The following CCDC88C variants were observed in gnomAD, a reference collection of about 807,000 sequenced individuals.
The protein encoded by CCDC88C is protein Daple.
A neutral mutation model predicts 198.8 loss-of-function variants in CCDC88C; 131 were observed. That is an observed-to-expected ratio of 0.66 (90% confidence interval 0.57 to 0.76). The LOEUF is 0.76. CCDC88C is among the 30% of genes least tolerant of loss of function. CCDC88C has a pLI of 0.00. For missense variants in CCDC88C, 2,553 were observed against 2,631.6 expected (o/e 0.97, Z 0.65); for synonymous variants, 1,166 against 1,114.7 (o/e 1.05, Z -0.92).
chr14:91,324,974 C>A (rs1892522997), intron 11 of CCDC88C, 51 bp from the exon 12 acceptor site: 1 of 1,608,720 alleles, frequency 6.2e-7, no homozygotes, highest in African/African-American at 1.3e-5. Context: ...CTGGAGATCC[C>A]CCTGGACAAG....
chr14:91,319,967 T>C (rs1015455788), intron 13 of CCDC88C, among the ~76,000 whole-genome samples: 2 of 130,722 alleles, frequency 1.5e-5, no homozygotes, highest in African/African-American at 3.0e-5. Context: ...GGAGTTGCAA[T>C]GAGCTGAGAT....
intron 3 of CCDC88C, among the ~76,000 whole-genome samples, chr14:91,397,374 C>T (rs1278061341): frequency 6.6e-6 from 1 of 152,132 alleles, no homozygotes; most frequent in Non-Finnish European, 1.5e-5. Flanking sequence ...GGAGAAAAGC[C>T]CCAGCAAATC....
intron 26 of CCDC88C, 132 bp downstream of exon 26, chr14:91,283,197 G>T: frequency 1.1e-6 from 1 of 919,884 alleles, no homozygotes; most frequent in Non-Finnish European, 1.6e-6. Flanking sequence ...AAGCCTGTCA[G>T]CAGCCTCACC....
chr14:91,368,851 C>T (rs1894656247), intron 3 of CCDC88C, among the ~76,000 whole-genome samples: 1 of 152,198 alleles, frequency 6.6e-6, no homozygotes, highest in African/African-American at 2.4e-5. Context: ...CTGAATGCAC[C>T]TCAACAACTT....
intron 29 of CCDC88C, among the ~76,000 whole-genome samples, chr14:91,276,891 G>C (rs1889987928): frequency 6.6e-6 from 1 of 152,238 alleles, no homozygotes; most frequent in Admixed American, 6.5e-5. Flanking sequence ...TTTAGGGTGA[G>C]GAGCTGCAGA....
chr14:91,301,900 G>A (rs929763768), intron 20 of CCDC88C, among the ~76,000 whole-genome samples: 2 of 152,152 alleles, frequency 1.3e-5, no homozygotes, highest in East Asian at 1.9e-4. Context: ...ACAGCACCAC[G>A]TACACAATAA....
At chr14:91,347,816 C>A (rs541336325) in intron 4 of CCDC88C, among the ~76,000 whole-genome samples, 4 of 152,172 alleles carry the variant, frequency 2.6e-5, no homozygotes, top group Non-Finnish European at 4.4e-5. Flanking sequence ...CCATTTGACC[C>A]AGCCATCCCA....
rs1408668483 is a variant in CCDC88C at position 91,342,457 on chromosome 14, T to G, written c.406A>C (p.Arg136=). Reference sequence around the variant, plus strand: ...ATTCTTTCAATGAACTCCTCTTTCCTCTCACACTGCGGAGGGTTACATGTG... The same window carrying G: ...ATTCTTTCAATGAACTCCTCTTTCCGCTCACACTGCGGAGGGTTACATGTG... ...LVLGCAVQCE[R]KEEFIERIKQ... is the part of the protein sequence containing the mutation. Residue 136 remains arginine (R), a synonymous_variant, in exon 6 of 30, where the codon AGG becomes CGG. Transcript: ENST00000389857. The G allele has an allele frequency of 1.3e-6, 2 of 1,586,598 alleles. No individual in the cohort carries two copies. Among genetic ancestry groups the G allele is most frequent in the Non-Finnish European group, 1.7e-6 (2 of 1,164,844 alleles).
In CCDC88C at chr14:91,305,862, T is replaced by C. The variant is rs143691366; in HGVS notation, c.3260A>G (p.Asn1087Ser). ...CAAGATCTGGCTGCTGAAGGTCACG[T>C]TCTGGGTCTCCAGGTGCTGCAGCTG... is the stretch of plus-strand genomic sequence containing the variant. ...KEQLQHLETQ[N>S]VTFSSQILTL... is the part of the protein sequence containing the mutation. The change falls in exon 19 of 30, where the codon AAC (asparagine) becomes AGC (serine). Residue 1087 changes from asparagine to serine, a missense_variant. By Grantham distance (46) the Asn-to-Ser change is conservative. Around this residue, in one of 2 missense-constraint regions of CCDC88C, gnomAD observed 1,260 missense variants for 1,412.0 expected, o/e 0.89. Coordinates refer to ENST00000389857, the MANE Select transcript of CCDC88C (RefSeq NM_001080414.4). 368 of 1,613,994 alleles carry C rather than the reference T, an allele frequency of 2.3e-4. 2 individuals carry two copies. The African/African-American group carries it at 4.3e-3, about 19-fold the overall frequency.
At chr14:91,395,991 T>C (rs1421068629) in intron 3 of CCDC88C, among the ~76,000 whole-genome samples, 1 of 152,174 alleles carries the variant, frequency 6.6e-6, no homozygotes, top group Non-Finnish European at 1.5e-5. Flanking sequence ...ACCACCAATT[T>C]AAGACCAGCA....
chr14:91,321,902 A>G (rs1325954714), intron 12 of CCDC88C, among the ~76,000 whole-genome samples: 1 of 152,206 alleles, frequency 6.6e-6, no homozygotes, highest in Non-Finnish European at 1.5e-5. Context: ...GAGATGAAAA[A>G]TAAGCTAAAA....
Position 91,272,296 on chromosome 14 carries a change from C to T in CCDC88C, c.*329G>A, listed in dbSNP as rs1485450573. ...CAACACATTGCAAATGAGTGTTCTACTGGGACATACTGGAGTAGTGTCTGC... is the reference window on the plus strand; with the variant it reads ...CAACACATTGCAAATGAGTGTTCTATTGGGACATACTGGAGTAGTGTCTGC... On this transcript the variant is annotated 3_prime_UTR_variant, in exon 30 of 30. Coordinates refer to ENST00000389857, the MANE Select transcript of CCDC88C (RefSeq NM_001080414.4). The T allele has an allele frequency of 8.8e-5, 29 of 328,058 alleles. No individual in the cohort carries two copies. In the South Asian group the frequency reaches 9.8e-4, roughly 11 times the overall value. The allele number at this position is 328,058 out of a possible 1,614,324, so 20.3% of individuals were successfully genotyped here.
At chr14:91,281,596 C>A in intron 26 of CCDC88C, 71 bp from the exon 27 acceptor site, 2 of 1,374,186 alleles carry the variant, frequency 1.5e-6, no homozygotes, top group South Asian at 1.2e-5. Context: ...CCCGCCACCT[C>A]GCCTGGCACC....
chr14:91,349,540 G>A (rs976072647), intron 4 of CCDC88C, among the ~76,000 whole-genome samples: 9 of 152,206 alleles, frequency 5.9e-5, no homozygotes, highest in African/African-American at 1.4e-4. Context: ...CACTGCGGGC[G>A]GGGATCGAGA....
At chr14:91,359,972 A>G (rs1006365977) in intron 3 of CCDC88C, among the ~76,000 whole-genome samples, 1 of 152,226 alleles carries the variant, frequency 6.6e-6, no homozygotes, top group Non-Finnish European at 1.5e-5. Context: ...AAAAAGAAAA[A>G]GCATATTTAA....
At chr14:91,393,969 C>T (rs915663566) in intron 3 of CCDC88C, among the ~76,000 whole-genome samples, 4 of 152,194 alleles carry the variant, frequency 2.6e-5, no homozygotes, top group Non-Finnish European at 4.4e-5. Context: ...CCAGCTGCTC[C>T]GGAGTTTCTG....
chr14:91,315,437 G>C (rs1019968615), intron 14 of CCDC88C, among the ~76,000 whole-genome samples: 29 of 152,098 alleles, frequency 1.9e-4, no homozygotes, highest in Non-Finnish European at 3.4e-4. Context: ...AAAATGTCTT[G>C]AGACATTGCC....
At chr14:91,293,553 C>CTCACCCGCCACAGCTCACCTTCCCAT (rs1567055867) in intron 23 of CCDC88C, among the ~76,000 whole-genome samples, 594 of 50,258 alleles carry the variant, frequency 0.012, 208 homozygotes, top group South Asian at 0.027. Context: ...CCTTCCTGTC[C>CTCACCCGCCACAGCTCACCTTCCCAT]CCTCGCCTGC....
Position 91,313,340 on chromosome 14 carries a change from C to G in CCDC88C, c.2476G>C (p.Glu826Gln), listed in dbSNP as rs376976110. The change falls in exon 15 of 30, where the codon GAG (glutamate) becomes CAG (glutamine). Residue 826 changes from glutamate to glutamine, a missense_variant. Transcript: ENST00000389857. This position sits in a 1 kb window ranked among gnomAD's most constrained non-coding sequence, Gnocchi z 5.2. ...TTATCCTTCTCGAGCTGGGCCACCTCCTGCTCCAGGGCCTTCCTGTCCTTC... is the reference window on the plus strand; with the variant it reads ...TTATCCTTCTCGAGCTGGGCCACCTGCTGCTCCAGGGCCTTCCTGTCCTTC... ...AEKDRKALEQ[E>Q]VAQLEKDKKL... 1.9e-6 allele frequency: 3 copies of G among 1,612,928 alleles called. No individual in the cohort carries two copies. The highest frequency in any genetic ancestry group is 2.5e-6 in the Non-Finnish European group (3 of 1,179,908).
Sources: gnomAD v4.1 joint callset for allele counts (sites outside exome capture counted in the v4.1 genomes callset) on GRCh38, gnomAD v4.1.1 for gene constraint, gnomAD v4.1.1 regional missense constraint, Gnocchi (gnomAD v3.1) non-coding constraint, MANE v1.5 for transcripts, NCBI Gene and HGNC (gene_info 2026-07-23, HGNC 2026-07-21) for gene names.